VWC2L: variants seen among roughly 807,000 people sequenced by gnomAD.
VWC2L encodes the protein von Willebrand factor C domain-containing protein 2-like.
A neutral mutation model predicts 21.6 loss-of-function variants in VWC2L; 10 were observed. That is an observed-to-expected ratio of 0.46 (90% CI 0.29 to 0.78). The LOEUF (loss-of-function observed/expected upper bound fraction) is 0.78. VWC2L is among the 30% of genes least tolerant of loss of function. VWC2L has a pLI of 0.10. For missense variants in VWC2L, 209 were observed against 277.1 expected (o/e 0.75, Z 1.74); for synonymous variants, 96 against 94.3 (o/e 1.02, Z -0.10).
chr2:214,414,042 G>A, intron 1 of VWC2L, 72 bp from the exon 2 acceptor site: 2 of 838,270 alleles, frequency 2.4e-6, no homozygotes, highest in South Asian at 2.1e-5. Context: ...AACAGTTTAA[G>A]AGCGTGGGCT....
intron 3 of VWC2L, among the ~76,000 whole-genome samples, chr2:214,508,952 C>T (rs960026488): frequency 6.6e-6 from 1 of 151,926 alleles, no homozygotes; most frequent in Admixed American, 6.6e-5. Flanking sequence ...TCTTCCCTCC[C>T]TTCCTCCTTC....
intron 3 of VWC2L, among the ~76,000 whole-genome samples, chr2:214,494,058 T>A (rs941056772): frequency 6.6e-6 from 1 of 152,122 alleles, no homozygotes; most frequent in African/African-American, 2.4e-5. Flanking sequence ...TTTCTAAAGT[T>A]CAAAAGGAAA....
intron 3 of VWC2L, among the ~76,000 whole-genome samples, chr2:214,512,164 A>G (rs1461075298): frequency 4.6e-5 from 7 of 152,138 alleles, no homozygotes; most frequent in Non-Finnish European, 8.8e-5. Flanking sequence ...TCTTTCTACA[A>G]CAGATTTGCT....
chr2:214,507,940 T>A (rs1688990074), intron 3 of VWC2L, among the ~76,000 whole-genome samples: 1 of 152,202 alleles, frequency 6.6e-6, no homozygotes, highest in Non-Finnish European at 1.5e-5. Flanking sequence ...CCCATTAATG[T>A]AAGGGCTTAA....
chr2:214,421,883 A>ATTTTTT (rs1574555783), intron 2 of VWC2L, among the ~76,000 whole-genome samples: 4 of 88,346 alleles, frequency 4.5e-5, no homozygotes, highest in Non-Finnish European at 6.6e-5. Flanking sequence ...TATTTCCTAC[A>ATTTTTT]TCTTTTTTTT....
At chr2:214,575,609 A>T (rs1690217372) in intron 3 of VWC2L, 63 bp from the exon 4 acceptor site, 3 of 1,582,108 alleles carry the variant, frequency 1.9e-6, no homozygotes, top group African/African-American at 1.3e-5. Context: ...TTGGGTTTGG[A>T]TGGTGGGGAG....
intron 2 of VWC2L, among the ~76,000 whole-genome samples, chr2:214,419,370 T>A (rs1449983764): frequency 6.6e-6 from 1 of 152,226 alleles, no homozygotes; most frequent in Admixed American, 6.5e-5. Flanking sequence ...CTTAACTATC[T>A]TAATGCTGAG....
chr2:214,413,631 T>C (rs1168884799), intron 1 of VWC2L, among the ~76,000 whole-genome samples: 1 of 152,222 alleles, frequency 6.6e-6, no homozygotes, highest in Non-Finnish European at 1.5e-5. Context: ...ATATAATTTA[T>C]ATTCAACTGT....
In VWC2L at chr2:214,422,982, C is replaced by CAA. The variant is rs1458242240; in HGVS notation, c.390+8399_390+8400insAA. ...CTACAGAATTGATACAATAATGAGA[C>CAA]CATATATATCTTATGAAGAATAAAT... On this transcript the variant is annotated intron_variant, in intron 2 of 3. Coordinates refer to ENST00000312504, the MANE Select transcript of VWC2L (RefSeq NM_001080500.4). Among the ~76,000 whole-genome samples the CAA allele has an allele frequency of 3.1e-3, 474 of 151,964 alleles. 2 individuals carry two copies. The highest frequency in any genetic ancestry group is 0.011 in the African/African-American group (451 of 41,448).
intron 2 of VWC2L, among the ~76,000 whole-genome samples, chr2:214,431,156 T>A (rs865935330): frequency 3.3e-5 from 5 of 152,238 alleles, no homozygotes; most frequent in Admixed American, 6.5e-5. Flanking sequence ...ACTTTTGCAC[T>A]TTGTAATTTA....
rs1453357438 is a variant in VWC2L at position 214,449,162 on chromosome 2, G to C, written c.520+12404G>C. ...CAGCTATTTCCCTCAAATGTTTAGT[G>C]GCATTCATTATGAAAATTGTAGAAG... On this transcript the variant is annotated intron_variant, in intron 3 of 3. Transcript: ENST00000312504. Among the ~76,000 whole-genome samples, 4 of 152,144 alleles carry C rather than the reference G, an allele frequency of 2.6e-5. No homozygotes were observed. The East Asian group carries it at 7.7e-4, about 29-fold the overall frequency.
intron 2 of VWC2L, among the ~76,000 whole-genome samples, chr2:214,424,796 T>C (rs2126173641): frequency 6.6e-6 from 1 of 152,364 alleles, no homozygotes; most frequent in South Asian, 2.1e-4. Context: ...GATGAAAATC[T>C]ATTTTTTCTC....
Position 214,578,203 on chromosome 2 carries a change from G to A in VWC2L, c.*2383G>A, listed in dbSNP as rs1690263268. The A allele has an allele frequency of 4.6e-5, 7 of 152,174 alleles. No homozygotes were observed. Among genetic ancestry groups the A allele is most frequent in the Admixed American group, 4.6e-4 (7 of 15,270 alleles). The allele number at this position is 152,174 out of a possible 1,614,324, so 9.4% of individuals were successfully genotyped here. A position where few individuals can be genotyped will look rare whatever the true frequency, so the allele number is the denominator to read the frequency against. On this transcript the variant is annotated 3_prime_UTR_variant, in exon 4 of 4. Coordinates refer to ENST00000312504, the MANE Select transcript of VWC2L (RefSeq NM_001080500.4). ...ATCATTAATAGAGCCATGCAGCATAGTACCTTATCTATTATTAAGGAGTTA... is the reference window on the plus strand; with the variant it reads ...ATCATTAATAGAGCCATGCAGCATAATACCTTATCTATTATTAAGGAGTTA...
intron 3 of VWC2L, among the ~76,000 whole-genome samples, 198 bp downstream of exon 3, chr2:214,436,956 G>A (rs1160750995): frequency 2.0e-5 from 3 of 152,060 alleles, no homozygotes; most frequent in Admixed American, 6.6e-5. Flanking sequence ...TTTCCATCTG[G>A]GGAATTAAAG....
intron 3 of VWC2L, among the ~76,000 whole-genome samples, chr2:214,565,323 C>G (rs1039004149): frequency 2.6e-5 from 4 of 152,132 alleles, no homozygotes; most frequent in African/African-American, 9.7e-5. Context: ...TTTGTTATCC[C>G]TTAACTTAGA....
chr2:214,466,432 T>A (rs1391434226), intron 3 of VWC2L, among the ~76,000 whole-genome samples: 2 of 152,222 alleles, frequency 1.3e-5, no homozygotes, highest in African/African-American at 4.8e-5. Flanking sequence ...TTTTGTGGAA[T>A]ATGTGTCTTG....
intron 3 of VWC2L, among the ~76,000 whole-genome samples, chr2:214,529,866 T>C (rs932911668): frequency 2.6e-5 from 4 of 152,178 alleles, no homozygotes; most frequent in African/African-American, 9.7e-5. Flanking sequence ...TACGCTCATA[T>C]ACTGGGTAGT....
chr2:214,476,205 T>C (rs1249761515), intron 3 of VWC2L, among the ~76,000 whole-genome samples: 5 of 152,148 alleles, frequency 3.3e-5, no homozygotes, highest in African/African-American at 1.2e-4. Flanking sequence ...TAAGGAAATA[T>C]ACCACAGCCA....
intron 3 of VWC2L, among the ~76,000 whole-genome samples, chr2:214,481,179 G>C (rs1243066551): frequency 6.6e-6 from 1 of 152,152 alleles, no homozygotes; most frequent in South Asian, 2.1e-4. Context: ...CAGAGGTGGA[G>C]TCGATTTCTC....
Sources: allele counts gnomAD v4.1 joint callset (sites outside exome capture counted in the v4.1 genomes callset), GRCh38; gene constraint gnomAD v4.1.1; transcripts MANE v1.5; gene names NCBI Gene and HGNC (gene_info 2026-07-23, HGNC 2026-07-21).